Variants in PRSS12 observed in about 807,000 individuals in gnomAD.
PRSS12 encodes neurotrypsin.
A neutral mutation model predicts 104.4 loss-of-function variants in PRSS12; 85 were observed. That is an observed-to-expected ratio of 0.81 (90% CI 0.68 to 0.98). PRSS12 has a LOEUF of 0.98. Ranked by LOEUF, PRSS12 falls within the 50% of genes least tolerant of loss-of-function variation. PRSS12 has a pLI of 0.00. For synonymous variants in PRSS12, 454 were observed against 425.2 expected (o/e 1.07, Z -0.83); for missense variants, 1,141 against 1,139.2 (o/e 1.00, Z -0.02).
chr4:118,307,122 A>G (rs1743577309), intron 8 of PRSS12, among the ~76,000 whole-genome samples: 2 of 152,206 alleles, frequency 1.3e-5, no homozygotes, highest in African/African-American at 4.8e-5. Context: ...AAAGAAGTTT[A>G]AAATTAACCA....
At chr4:118,339,325 T>C (rs529363671) in intron 1 of PRSS12, among the ~76,000 whole-genome samples, 2 of 152,258 alleles carry the variant, frequency 1.3e-5, no homozygotes, top group East Asian at 1.9e-4. Context: ...AAAAAATCAA[T>C]CCTACCCAAA....
At position 118,282,219 on chromosome 4, in the gene PRSS12, TGTA is replaced by T; in HGVS notation, c.2342_2344del (p.Leu781del). The T allele has an allele frequency of 1.9e-6, 3 of 1,614,246 alleles. No individual in the cohort carries two copies. The highest frequency in any genetic ancestry group is 2.2e-5 in the East Asian group (1 of 44,888). ...AGGAAGTAAGGGAATGGCTGCTTGT[TGTA>T]GTGTTCTTGAATAGGCTCGTCCTAC... On this transcript the variant is annotated inframe_deletion, in exon 13 of 13. Coordinates refer to ENST00000296498, the MANE Select transcript of PRSS12 (RefSeq NM_003619.4).
intron 11 of PRSS12, among the ~76,000 whole-genome samples, chr4:118,292,830 C>T (rs548001110): frequency 1.3e-5 from 2 of 152,114 alleles, no homozygotes; most frequent in South Asian, 4.1e-4. Flanking sequence ...GCCTGGCCAA[C>T]ATGGTAAAAC....
intron 1 of PRSS12, among the ~76,000 whole-genome samples, chr4:118,350,300 C>A (rs1243489385): frequency 2.0e-5 from 3 of 152,186 alleles, no homozygotes; most frequent in Non-Finnish European, 4.4e-5. Flanking sequence ...ATTCAATATT[C>A]TTTTCACCAC....
intron 1 of PRSS12, among the ~76,000 whole-genome samples, chr4:118,342,201 T>C (rs559049820): frequency 5.3e-5 from 8 of 152,270 alleles, no homozygotes; most frequent in South Asian, 2.1e-4. Context: ...TAACCTTAGC[T>C]CAAAGAAATC....
chr4:118,323,888 T>C (rs1723697626), intron 4 of PRSS12, among the ~76,000 whole-genome samples: 2 of 151,876 alleles, frequency 1.3e-5, no homozygotes, highest in Non-Finnish European at 2.9e-5. Context: ...TGTGTGTGTA[T>C]ATATATCTAG....
intron 7 of PRSS12, among the ~76,000 whole-genome samples, chr4:118,311,158 T>C (rs1743712946): frequency 6.6e-6 from 1 of 152,136 alleles, no homozygotes; most frequent in Non-Finnish European, 1.5e-5. Context: ...GACTTAATAC[T>C]CTGAACTTTA....
intron 1 of PRSS12, among the ~76,000 whole-genome samples, chr4:118,347,525 C>CGTA (rs1354840940): frequency 5.9e-5 from 9 of 152,262 alleles, no homozygotes; most frequent in Middle Eastern, 3.4e-3. Context: ...AATGTTTTAC[C>CGTA]TCTCAATCAT....
chr4:118,345,530 A>C (rs1394160147), intron 1 of PRSS12, among the ~76,000 whole-genome samples: 1 of 152,168 alleles, frequency 6.6e-6, no homozygotes, highest in Non-Finnish European at 1.5e-5. Context: ...AATTTAATTC[A>C]GGGGGAAAAA....
intron 7 of PRSS12, among the ~76,000 whole-genome samples, chr4:118,309,970 T>C (rs983144775): frequency 2.6e-5 from 4 of 152,182 alleles, no homozygotes; most frequent in South Asian, 4.1e-4. Flanking sequence ...TCATGTTCAC[T>C]TCATGGGACA....
Position 118,298,807 on chromosome 4 carries a change from T to C in PRSS12, c.1763A>G (p.Asn588Ser). Residue 588 changes from asparagine to serine, a missense_variant, in exon 9 of 13, where the codon AAC becomes AGC. Asn to Ser is a conservative substitution (Grantham distance 46). Transcript: ENST00000296498. Reference protein sequence around the residue: ...DCIKQDIGRHNCRHSEDAGVI... With the variant: ...DCIKQDIGRHSCRHSEDAGVI... ...TCCTGCATCTTCACTGTGGCGGCAGTTGTGTCTTCCAATATCTTGCTTGAT... is the reference window on the plus strand; with the variant it reads ...TCCTGCATCTTCACTGTGGCGGCAGCTGTGTCTTCCAATATCTTGCTTGAT... 6.2e-7 allele frequency: 1 copy of C among 1,614,228 alleles called. No individual in the cohort carries two copies. Among genetic ancestry groups the C allele is most frequent in the Non-Finnish European group, 8.5e-7 (1 of 1,180,038 alleles).
intron 3 of PRSS12, among the ~76,000 whole-genome samples, chr4:118,332,881 G>A (rs1723964555): frequency 1.3e-5 from 2 of 152,142 alleles, no homozygotes; most frequent in South Asian, 4.1e-4. Flanking sequence ...AAGGTGTTAT[G>A]ATCAGTGCTG....
intron 10 of PRSS12, 52 bp downstream of exon 10, chr4:118,295,726 T>C (rs1743237429): frequency 6.7e-7 from 1 of 1,490,598 alleles, no homozygotes. Context: ...TAACACTCTA[T>C]GTATATAAAT....
intron 1 of PRSS12, among the ~76,000 whole-genome samples, chr4:118,345,096 A>C (rs1019468657): frequency 2.1e-4 from 32 of 152,314 alleles, no homozygotes; most frequent in Non-Finnish European, 4.1e-4. Context: ...TGAATTTCTG[A>C]TTCATCTTTA....
chr4:118,318,518 T>A lies in PRSS12; in HGVS notation c.1010A>T (p.Glu337Val), dbSNP rs1410972241. 6.2e-7 allele frequency: 1 copy of A among 1,614,068 alleles called. No homozygotes were observed. Among genetic ancestry groups the A allele is most frequent in the East Asian group, 2.2e-5 (1 of 44,864 alleles). Reference protein sequence around the residue: ...AKAWHQAYFGEGSGPVMLDEV... With the variant: ...AKAWHQAYFGVGSGPVMLDEV... ...ATCCAACATAACTGGGCCAGACCCT[T>A]CCCCAAAATATGCCTGATGCCATGC... The change falls in exon 5 of 13, where the codon GAA becomes GTA. Residue 337 changes from glutamate (E) to valine (V), a missense_variant. Transcript: ENST00000296498.
At chr4:118,295,686 T>G in intron 10 of PRSS12, 92 bp downstream of exon 10, 3 of 1,155,078 alleles carry the variant, frequency 2.6e-6, no homozygotes, top group Non-Finnish European at 3.9e-6. Context: ...TGAGTACAAG[T>G]CCCTTATATA....
chr4:118,307,572 C>G (rs1331913263), intron 8 of PRSS12, among the ~76,000 whole-genome samples: 2 of 152,104 alleles, frequency 1.3e-5, no homozygotes, highest in Non-Finnish European at 2.9e-5. Flanking sequence ...ACTTCAAAAT[C>G]ATTACTTAGG....
At chr4:118,328,444 T>C (rs757689412) in intron 4 of PRSS12, among the ~76,000 whole-genome samples, 15 of 152,228 alleles carry the variant, frequency 9.9e-5, no homozygotes, top group Non-Finnish European at 2.1e-4. Context: ...TGTTCAACAT[T>C]AATATGGCCT....
chr4:118,324,968 C>A (rs1240067761), intron 4 of PRSS12, among the ~76,000 whole-genome samples: 1 of 152,066 alleles, frequency 6.6e-6, no homozygotes, highest in African/African-American at 2.4e-5. Context: ...CTCAGCCTCC[C>A]AAAGGATTAC....
Sources: gnomAD v4.1 joint callset for allele counts (sites outside exome capture counted in the v4.1 genomes callset) on GRCh38, gnomAD v4.1.1 for gene constraint, MANE v1.5 for transcripts, NCBI Gene and HGNC (gene_info 2026-07-23, HGNC 2026-07-21) for gene names.